GRXCR1: variants seen among roughly 807,000 people sequenced by gnomAD.
The protein encoded by GRXCR1 is glutaredoxin and cysteine rich domain containing 1.
In GRXCR1, 27 loss-of-function variants were observed where a neutral mutation model predicts 27.3. The ratio of observed to expected loss-of-function variants is 0.99; its 90% CI spans 0.73 to 1.37. GRXCR1 has a LOEUF of 1.37. Ranked by LOEUF, GRXCR1 falls within the 40% of genes most tolerant of loss-of-function variation. The pLI is 0.00. For synonymous variants in GRXCR1, 122 were observed against 131.1 expected (o/e 0.93, Z 0.47); for missense variants, 379 against 354.4 (o/e 1.07, Z -0.56).
In GRXCR1 at chr4:42,892,936, T is replaced by C. The variant is rs915676437; in HGVS notation, c.-331T>C. Among the ~76,000 whole-genome samples, 44 of 152,138 alleles carry C rather than the reference T, an allele frequency of 2.9e-4. No homozygotes were observed. The highest frequency in any genetic ancestry group is 9.9e-4 in the African/African-American group (41 of 41,450). On this transcript the variant is annotated 5_prime_UTR_variant, in exon 1 of 4. Coordinates refer to ENST00000399770, the MANE Select transcript of GRXCR1 (RefSeq NM_001080476.3). ...TGGCTTCAAAGTTCAAGCCTTTCAT[T>C]TTCTTGCCCCATACATATTTTCAGA...
intron 1 of GRXCR1, among the ~76,000 whole-genome samples, chr4:42,907,509 T>C (rs1481115217): frequency 1.3e-5 from 2 of 152,274 alleles, no homozygotes; most frequent in African/African-American, 4.8e-5. Context: ...TTGCACTGTA[T>C]TTTCAGTCCC....
At chr4:42,999,196 G>A (rs1461701590) in intron 2 of GRXCR1, among the ~76,000 whole-genome samples, 2 of 152,190 alleles carry the variant, frequency 1.3e-5, no homozygotes, top group South Asian at 2.1e-4. Context: ...TCTTTGTATA[G>A]TCTGTGTCCT....
At chr4:42,894,168 A>G (rs552852637) in intron 1 of GRXCR1, among the ~76,000 whole-genome samples, 1 of 152,270 alleles carries the variant, frequency 6.6e-6, no homozygotes, top group South Asian at 2.1e-4. Flanking sequence ...GCTTCATTCA[A>G]TATCAATTTC....
intron 2 of GRXCR1, among the ~76,000 whole-genome samples, chr4:42,983,956 T>C (rs28873465): frequency 0.48 from 71,939 of 151,366 alleles, 18,414 homozygotes; most frequent in African/African-American, 0.68. Context: ...CTGCCTCAGC[T>C]TCCCTGGTAG....
At chr4:42,962,641 A>G (rs1038694637) in intron 1 of GRXCR1, among the ~76,000 whole-genome samples, 2 of 151,994 alleles carry the variant, frequency 1.3e-5, no homozygotes, top group African/African-American at 4.8e-5. Flanking sequence ...GATGTGATCA[A>G]CTTTAAGATT....
Position 42,892,802 on chromosome 4 carries a change from A to G in GRXCR1, c.-465A>G, listed in dbSNP as rs893949570. On this transcript the variant is annotated 5_prime_UTR_variant, in exon 1 of 4. Transcript: ENST00000399770. ...AAATAAGTCCTGTGAGAAAACTGTG[A>G]CTGCTCTTATCCTACAAACTTGGTT... 6.6e-6 allele frequency among the ~76,000 whole-genome samples: 1 copy of G among 152,104 alleles called. No homozygotes were observed. The highest frequency in any genetic ancestry group is 6.6e-5 in the Admixed American group (1 of 15,256).
intron 1 of GRXCR1, among the ~76,000 whole-genome samples, chr4:42,902,790 T>G (rs1241320379): frequency 6.6e-6 from 1 of 152,100 alleles, no homozygotes; most frequent in Non-Finnish European, 1.5e-5. Context: ...TGGCACATAA[T>G]TACCTATGCA....
intron 1 of GRXCR1, among the ~76,000 whole-genome samples, chr4:42,936,722 A>G (rs533764444): frequency 4.6e-5 from 7 of 151,870 alleles, no homozygotes; most frequent in African/African-American, 1.4e-4. Flanking sequence ...GGTGATCTTG[A>G]TAGTCGTGGA....
chr4:42,959,862 T>G (rs896859473), intron 1 of GRXCR1, among the ~76,000 whole-genome samples: 1 of 151,896 alleles, frequency 6.6e-6, no homozygotes, highest in African/African-American at 2.4e-5. Flanking sequence ...TGATTCTTAT[T>G]TAATTGGTAT....
At chr4:43,021,737 T>C (rs1209720363) in intron 3 of GRXCR1, among the ~76,000 whole-genome samples, 1 of 152,204 alleles carries the variant, frequency 6.6e-6, no homozygotes, top group Non-Finnish European at 1.5e-5. Context: ...GGGAGGAGAA[T>C]GCTTGGGCTT....
At chr4:42,980,927 T>C (rs1748648448) in intron 2 of GRXCR1, among the ~76,000 whole-genome samples, 1 of 151,802 alleles carries the variant, frequency 6.6e-6, no homozygotes, top group African/African-American at 2.4e-5. Flanking sequence ...GAGACCTTTA[T>C]TGGAGCATTT....
chr4:42,921,695 C>T lies in GRXCR1; in HGVS notation c.384+28045C>T, dbSNP rs1747014990. On this transcript the variant is annotated intron_variant, in intron 1 of 3. Transcript: ENST00000399770. ...TTTAAATATGTTTTATCGAATTTCTCTTAAAAAAATCTTGTCAACATCTTA... is the reference window on the plus strand; with the variant it reads ...TTTAAATATGTTTTATCGAATTTCTTTTAAAAAAATCTTGTCAACATCTTA... Among the ~76,000 whole-genome samples the T allele has an allele frequency of 3.3e-5, 5 of 152,124 alleles. No individual in the cohort carries two copies. The South Asian group carries it at 8.3e-4, about 25-fold the overall frequency.
Position 43,020,346 on chromosome 4 carries a change from G to C in GRXCR1, c.628-8G>C, listed in dbSNP as rs770105867. On this transcript the variant is annotated splice_region_variant and splice_polypyrimidine_tract_variant and intron_variant, in intron 2 of 3. Coordinates refer to ENST00000399770, the MANE Select transcript of GRXCR1 (RefSeq NM_001080476.3). ...TGGATTTTTCTCCCTACTCTCTCTCGTTAATAGGGTGCTGAGAAAATTTTG... is the reference window on the plus strand; with the variant it reads ...TGGATTTTTCTCCCTACTCTCTCTCCTTAATAGGGTGCTGAGAAAATTTTG... The C allele has an allele frequency of 6.3e-7, 1 of 1,594,280 alleles. No individual in the cohort carries two copies. The highest frequency in any genetic ancestry group is 8.6e-7 in the Non-Finnish European group (1 of 1,162,132).
intron 3 of GRXCR1, among the ~76,000 whole-genome samples, chr4:43,022,617 G>T (rs1713131219): frequency 6.6e-6 from 1 of 152,190 alleles, no homozygotes; most frequent in African/African-American, 2.4e-5. Flanking sequence ...TAGTAAAACT[G>T]GTGGAGAATT....
chr4:42,938,194 C>T (rs1309720885), intron 1 of GRXCR1, among the ~76,000 whole-genome samples: 2 of 151,976 alleles, frequency 1.3e-5, no homozygotes, highest in Admixed American at 1.3e-4. Context: ...CTTTCTGTGT[C>T]AGCTTATTTT....
chr4:43,026,499 G>A (rs1243911810), intron 3 of GRXCR1, among the ~76,000 whole-genome samples: 1 of 134,780 alleles, frequency 7.4e-6, no homozygotes, highest in African/African-American at 3.9e-5. Context: ...GTGCTGAGGG[G>A]TCACTGGGGA....
rs576212475 is a variant in GRXCR1, at chr4:42,915,424, G to A, written c.384+21774G>A. 2.0e-5 allele frequency among the ~76,000 whole-genome samples: 3 copies of A among 152,188 alleles called. No homozygotes were observed. The South Asian group carries it at 6.2e-4, about 32-fold the overall frequency. On this transcript the variant is annotated intron_variant, in intron 1 of 3. Transcript: ENST00000399770. ...GATTTGGAATCAATTAGGGTGTGTA[G>A]GATTGTCTTTAATGAAAAGATATTT...
Position 43,030,654 on chromosome 4 carries a change from T to TG in GRXCR1, c.*114_*115insG. 3.5e-6 allele frequency: 3 copies of TG among 869,164 alleles called. No individual in the cohort carries two copies. The highest frequency in any genetic ancestry group is 1.5e-5 in the South Asian group (1 of 65,054). The allele number at this position is 869,164 out of a possible 1,614,324, so 53.8% of individuals were successfully genotyped here. The stretch of plus-strand genomic sequence containing the variant: ...GGATTAATCAATAAACTTTGTTTAT[T>TG]ATAATTGTCTTTGTGGTGAATTTTT... On this transcript the variant is annotated 3_prime_UTR_variant, in exon 4 of 4. Coordinates refer to ENST00000399770, the MANE Select transcript of GRXCR1 (RefSeq NM_001080476.3).
At chr4:42,929,491 C>A (rs759599986) in intron 1 of GRXCR1, among the ~76,000 whole-genome samples, 1 of 151,992 alleles carries the variant, frequency 6.6e-6, no homozygotes, top group Non-Finnish European at 1.5e-5. Context: ...AGAAATATGG[C>A]AGCCTCAGAG....
Sources: allele counts gnomAD v4.1 joint callset (sites outside exome capture counted in the v4.1 genomes callset), GRCh38; gene constraint gnomAD v4.1.1; transcripts MANE v1.5; gene names NCBI Gene and HGNC (gene_info 2026-07-23, HGNC 2026-07-21).